Variants in DGKB observed in about 807,000 individuals in gnomAD.
DGKB encodes diacylglycerol kinase beta, also known as 90 kDa diacylglycerol kinase.
In DGKB, 67 loss-of-function variants were observed where a neutral mutation model predicts 114.3. That is an observed-to-expected ratio of 0.59 (90% CI 0.48 to 0.72). The LOEUF is 0.72. Among genes scored for constraint, DGKB ranks in the 30% least tolerant of loss-of-function variants. The pLI, the probability that DGKB is intolerant of heterozygous loss-of-function variation, is 0.00. For missense variants in DGKB, 907 were observed against 975.2 expected (o/e 0.93, Z 0.93); for synonymous variants, 398 against 323.1 (o/e 1.23, Z -2.49).
At position 14,213,891 on chromosome 7, in the gene DGKB, A is replaced by T. The variant is rs1788537185; in HGVS notation, c.2123-35740T>A. Among the ~76,000 whole-genome samples, 4 of 152,248 alleles carry T rather than the reference A, an allele frequency of 2.6e-5. No individual in the cohort carries two copies. The South Asian group carries it at 8.3e-4, about 31-fold the overall frequency. On this transcript the variant is annotated intron_variant, in intron 23 of 25. Coordinates refer to ENST00000402815, the MANE Select transcript of DGKB (RefSeq NM_001350709.2). Reference sequence around the variant, plus strand: ...TAGTAATAAATGTTTCTTTTTTTCCAAATAAAATAAAAGAAAAAAGGTATC... The same window carrying T: ...TAGTAATAAATGTTTCTTTTTTTCCTAATAAAATAAAAGAAAAAAGGTATC...
At chr7:14,301,348 C>T (rs1394931638) in intron 23 of DGKB, among the ~76,000 whole-genome samples, 1 of 152,038 alleles carries the variant, frequency 6.6e-6, no homozygotes, top group African/African-American at 2.4e-5. Flanking sequence ...TTTCTATTTT[C>T]TATATCCTAC....
At chr7:14,923,927 G>A (rs369323606) in intron 1 of DGKB, among the ~76,000 whole-genome samples, 1 of 144,578 alleles carries the variant, frequency 6.9e-6, no homozygotes, top group Non-Finnish European at 1.5e-5. Context: ...CCCGGGAGGC[G>A]GAGGTTGCAG....
chr7:14,801,459 C>A lies in DGKB; in HGVS notation c.70+39735G>T, dbSNP rs531443767. Among the ~76,000 whole-genome samples, 5 of 152,204 alleles carry A rather than the reference C, an allele frequency of 3.3e-5. No individual in the cohort carries two copies. The East Asian group carries it at 9.7e-4, about 29-fold the overall frequency. On this transcript the variant is annotated intron_variant, in intron 2 of 25. Transcript: ENST00000402815. ...CTGAGTGTGTCTGTGAAGATGTTTC[C>A]ATATGAGACTAGCATTTGAATTGGT... is the stretch of plus-strand genomic sequence containing the variant.
intron 2 of DGKB, among the ~76,000 whole-genome samples, chr7:14,775,022 C>G (rs980783059): frequency 6.6e-6 from 1 of 152,010 alleles, no homozygotes; most frequent in Non-Finnish European, 1.5e-5. Context: ...GAATATATAA[C>G]CTTCCATGAT....
chr7:14,489,600 T>C (rs1249421217), intron 20 of DGKB, among the ~76,000 whole-genome samples: 1 of 152,092 alleles, frequency 6.6e-6, no homozygotes, highest in African/African-American at 2.4e-5. Context: ...TACCCAAGGG[T>C]TTGAAATGTG....
At chr7:14,941,421 G>T (rs896403630) in intron 1 of DGKB, among the ~76,000 whole-genome samples, 1 of 151,986 alleles carries the variant, frequency 6.6e-6, no homozygotes, top group African/African-American at 2.4e-5. Flanking sequence ...ATAGGAAGAA[G>T]ATATGTTTTT....
intron 2 of DGKB, among the ~76,000 whole-genome samples, chr7:14,809,750 A>T (rs893624599): frequency 6.6e-6 from 1 of 152,160 alleles, no homozygotes; most frequent in Admixed American, 6.5e-5. Flanking sequence ...TTAGACCATA[A>T]AAGTGCAAGG....
Position 14,852,487 on chromosome 7 carries a change from C to CAAAAAAAAAACAACAAAAAA in DGKB, c.-187-11038_-187-11037insTTTTTTGTTGTTTTTTTTTT, listed in dbSNP as rs1554304256. ...GAGGAATAGCTAAAATAGTGAAAGT[C>CAAAAAAAAAACAACAAAAAA]AAAAAAAAAACAGAAATCAAGCATA... On this transcript the variant is annotated intron_variant, in intron 1 of 25. Coordinates refer to ENST00000402815, the MANE Select transcript of DGKB (RefSeq NM_001350709.2). Among the ~76,000 whole-genome samples the CAAAAAAAAAACAACAAAAAA allele has an allele frequency of 1.4e-4, 9 of 63,618 alleles. 1 individual carries two copies. In the South Asian group the frequency reaches 1.8e-3, roughly 12 times the overall value. 41.7% of individuals were successfully genotyped at this position (63,618 alleles called of 152,430 possible).
At chr7:14,333,330 G>A (rs889013430) in intron 23 of DGKB, among the ~76,000 whole-genome samples, 19 of 151,736 alleles carry the variant, frequency 1.3e-4, no homozygotes, top group African/African-American at 3.4e-4. Context: ...ACATGGTGGC[G>A]GGTGCCTGCA....
At chr7:14,190,439 A>T (rs920810279) in intron 23 of DGKB, among the ~76,000 whole-genome samples, 2 of 152,124 alleles carry the variant, frequency 1.3e-5, no homozygotes, top group African/African-American at 4.8e-5. Context: ...ACAAAAGAAG[A>T]TTTCTATGAA....
chr7:14,322,769 G>T (rs1808055615), intron 23 of DGKB, among the ~76,000 whole-genome samples: 1 of 152,074 alleles, frequency 6.6e-6, no homozygotes, highest in Admixed American at 6.6e-5. Context: ...ATAGGCAAAA[G>T]ACTTGGGCAG....
At chr7:14,188,769 T>A (rs929052378) in intron 23 of DGKB, among the ~76,000 whole-genome samples, 29 of 151,074 alleles carry the variant, frequency 1.9e-4, no homozygotes, top group Non-Finnish European at 3.7e-4. Flanking sequence ...AATGAAATAA[T>A]TCTAAAATCT....
intron 20 of DGKB, among the ~76,000 whole-genome samples, chr7:14,517,839 G>C (rs979640707): frequency 4.6e-5 from 7 of 152,020 alleles, no homozygotes; most frequent in African/African-American, 1.7e-4. Context: ...GTGGAGAAAA[G>C]GGAACACTTA....
chr7:14,967,001 C>T (rs1436239037), intron 1 of DGKB, among the ~76,000 whole-genome samples: 1 of 152,014 alleles, frequency 6.6e-6, no homozygotes, highest in African/African-American at 2.4e-5. Context: ...GTATTTTATT[C>T]ATTTTATATA....
At chr7:14,967,374 A>T (rs1011594168) in intron 1 of DGKB, among the ~76,000 whole-genome samples, 1 of 152,010 alleles carries the variant, frequency 6.6e-6, no homozygotes, top group African/African-American at 2.4e-5. Context: ...AGGCTGGAGC[A>T]CAATGGCACT....
intron 21 of DGKB, among the ~76,000 whole-genome samples, chr7:14,406,830 C>T (rs1490419057): frequency 6.6e-6 from 1 of 152,022 alleles, no homozygotes; most frequent in Admixed American, 6.6e-5. Context: ...TTCTCAAGTG[C>T]TATTGCTAGT....
chr7:14,824,025 C>G, intron 2 of DGKB, among the ~76,000 whole-genome samples: 1 of 152,144 alleles, frequency 6.6e-6, no homozygotes, highest in Non-Finnish European at 1.5e-5. Context: ...GGGTCAAAGT[C>G]AAGTCTTACA....
chr7:14,745,226 C>T (rs1167179229), intron 4 of DGKB, among the ~76,000 whole-genome samples: 1 of 152,152 alleles, frequency 6.6e-6, no homozygotes, highest in Non-Finnish European at 1.5e-5. Flanking sequence ...CACCTTCAGG[C>T]CATCAAACTC....
chr7:14,870,693 G>T (rs1852327215), intron 1 of DGKB, among the ~76,000 whole-genome samples: 1 of 152,076 alleles, frequency 6.6e-6, no homozygotes, highest in African/African-American at 2.4e-5. Context: ...TACTCAGGAG[G>T]TTGAGGCAGA....
Sources: gnomAD v4.1 joint callset for allele counts (sites outside exome capture counted in the v4.1 genomes callset) on GRCh38, gnomAD v4.1.1 for gene constraint, MANE v1.5 for transcripts, NCBI Gene and HGNC (gene_info 2026-07-23, HGNC 2026-07-21) for gene names.